The following UNC5D variants were observed in gnomAD, a reference collection of about 807,000 sequenced individuals.
UNC5D encodes unc-5 netrin receptor D, also known as netrin receptor UNC5D.
Under a neutral mutation model 105.4 loss-of-function variants are expected in UNC5D, and 39 were observed. The observed-to-expected ratio is 0.37, with a 90% CI of 0.29 to 0.48. The LOEUF is 0.48. UNC5D is among the 20% of genes least tolerant of loss of function. The pLI is 0.98. For missense variants in UNC5D, 991 were observed against 1,202.4 expected (o/e 0.82, Z 2.60); for synonymous variants, 452 against 450.4 (o/e 1.00, Z -0.04).
At chr8:35,612,879 C>T (rs1317785692) in intron 4 of UNC5D, among the ~76,000 whole-genome samples, 5 of 152,000 alleles carry the variant, frequency 3.3e-5, no homozygotes, top group Admixed American at 6.6e-5. Context: ...GTTTCACTTA[C>T]CTAAGATAGA....
intron 1 of UNC5D, among the ~76,000 whole-genome samples, chr8:35,406,530 G>T (rs1804811275): frequency 6.6e-6 from 1 of 152,118 alleles, no homozygotes; most frequent in Non-Finnish European, 1.5e-5. Flanking sequence ...TTGTTGTAGG[G>T]TTATTTGGTC....
At chr8:35,623,217 C>T (rs536605325) in intron 4 of UNC5D, among the ~76,000 whole-genome samples, 1 of 152,094 alleles carries the variant, frequency 6.6e-6, no homozygotes, top group Non-Finnish European at 1.5e-5. Flanking sequence ...AGACCATTCC[C>T]ATACCAAGCC....
chr8:35,738,681 T>A (rs1451365454), intron 11 of UNC5D, among the ~76,000 whole-genome samples: 1 of 152,222 alleles, frequency 6.6e-6, no homozygotes, highest in Non-Finnish European at 1.5e-5. Flanking sequence ...TAAAGGTACA[T>A]CATATTAGTC....
At chr8:35,538,648 G>A (rs1815048706) in intron 1 of UNC5D, among the ~76,000 whole-genome samples, 1 of 151,710 alleles carries the variant, frequency 6.6e-6, no homozygotes. Context: ...AGGAAGAATG[G>A]AGATGAAGAG....
chr8:35,420,017 G>T (rs1563400314), intron 1 of UNC5D, among the ~76,000 whole-genome samples: 1 of 151,950 alleles, frequency 6.6e-6, no homozygotes, highest in Non-Finnish European at 1.5e-5. Flanking sequence ...CATGCTGATT[G>T]GTCCATGGGT....
intron 13 of UNC5D, among the ~76,000 whole-genome samples, 189 bp from the exon 14 acceptor site, chr8:35,759,131 A>G (rs992184972): frequency 6.6e-6 from 1 of 152,192 alleles, no homozygotes; most frequent in African/African-American, 2.4e-5. Context: ...AACACTTGTC[A>G]CTCAGCAGTT....
chr8:35,759,822 G>A (rs1286916655), intron 14 of UNC5D, among the ~76,000 whole-genome samples: 1 of 152,112 alleles, frequency 6.6e-6, no homozygotes, highest in Non-Finnish European at 1.5e-5. Flanking sequence ...TTATGAGACA[G>A]CATCTTAATC....
intron 1 of UNC5D, among the ~76,000 whole-genome samples, chr8:35,291,684 G>A (rs1362501956): frequency 2.0e-5 from 3 of 152,114 alleles, no homozygotes; most frequent in Non-Finnish European, 4.4e-5. Context: ...TGCCTTTAAG[G>A]ACATTCCACT....
At chr8:35,702,922 C>T (rs572703833) in intron 7 of UNC5D, among the ~76,000 whole-genome samples, 4 of 151,968 alleles carry the variant, frequency 2.6e-5, no homozygotes, top group Non-Finnish European at 5.9e-5. Flanking sequence ...AGAGAAGTGG[C>T]CGTTTGAATA....
chr8:35,761,045 T>TC (rs1388341730), intron 14 of UNC5D, among the ~76,000 whole-genome samples: 3 of 152,146 alleles, frequency 2.0e-5, no homozygotes, highest in Non-Finnish European at 4.4e-5. Flanking sequence ...ACTTTTTTTT[T>TC]CAGGGGGCCA....
chr8:35,482,396 G>A (rs1387716717), intron 1 of UNC5D, among the ~76,000 whole-genome samples: 2 of 152,126 alleles, frequency 1.3e-5, no homozygotes, highest in African/African-American at 4.8e-5. Flanking sequence ...GTCTGTCTCC[G>A]AAGCCTACGT....
chr8:35,699,933 G>A (rs1827069041), intron 7 of UNC5D, among the ~76,000 whole-genome samples: 2 of 152,202 alleles, frequency 1.3e-5, no homozygotes, highest in Non-Finnish European at 2.9e-5. Flanking sequence ...CACTGAAATA[G>A]TTTTAGGATG....
intron 1 of UNC5D, among the ~76,000 whole-genome samples, chr8:35,237,884 A>C: frequency 6.6e-6 from 1 of 152,282 alleles, no homozygotes; most frequent in East Asian, 1.9e-4. Flanking sequence ...AGTTGGGTGT[A>C]ATTGGAGTTT....
intron 1 of UNC5D, among the ~76,000 whole-genome samples, chr8:35,355,951 T>C (rs1487546580): frequency 6.6e-6 from 1 of 152,066 alleles, no homozygotes; most frequent in African/African-American, 2.4e-5. Context: ...ATCTTGGACT[T>C]CCCAGCCTTC....
At chr8:35,260,770 G>A (rs543090863) in intron 1 of UNC5D, among the ~76,000 whole-genome samples, 3 of 152,274 alleles carry the variant, frequency 2.0e-5, no homozygotes, top group South Asian at 2.1e-4. Flanking sequence ...GAACAATGGC[G>A]TAGGGAGCGT....
chr8:35,724,274 A>T (rs1828740117), intron 9 of UNC5D: 2 of 1,535,160 alleles, frequency 1.3e-6, no homozygotes, highest in Non-Finnish European at 1.7e-6. Context: ...GGAACTAATG[A>T]TACAAGAAAA....
intron 1 of UNC5D, among the ~76,000 whole-genome samples, chr8:35,379,447 G>C (rs1210232546): frequency 1.3e-5 from 2 of 152,204 alleles, no homozygotes; most frequent in South Asian, 2.1e-4. Context: ...AAGAGACTGA[G>C]TGACCGAGCC....
At chr8:35,562,496 T>C (rs1476959422) in intron 2 of UNC5D, among the ~76,000 whole-genome samples, 1 of 152,118 alleles carries the variant, frequency 6.6e-6, no homozygotes, top group East Asian at 1.9e-4. Flanking sequence ...CTAGCACCTA[T>C]CTTTTTTTGT....
intron 1 of UNC5D, among the ~76,000 whole-genome samples, chr8:35,393,932 T>C (rs1224450036): frequency 2.0e-5 from 3 of 152,200 alleles, no homozygotes; most frequent in Non-Finnish European, 4.4e-5. Flanking sequence ...AAAGGACTTT[T>C]TTTGCTTTCA....
Sources: allele counts gnomAD v4.1 joint callset (sites outside exome capture counted in the v4.1 genomes callset), GRCh38; gene constraint gnomAD v4.1.1; transcripts MANE v1.5; gene names NCBI Gene and HGNC (gene_info 2026-07-23, HGNC 2026-07-21).